CASK: variants seen among roughly 807,000 people sequenced by gnomAD.
The protein encoded by CASK is peripheral plasma membrane protein CASK.
A neutral mutation model predicts 82.9 loss-of-function variants in CASK; 4 were observed. That is an observed-to-expected ratio of 0.05 (90% CI 0.02 to 0.11). CASK has a LOEUF of 0.11. CASK is among the 10% of genes least tolerant of loss of function. The pLI is 1.00. For synonymous variants in CASK, 259 were observed against 253.5 expected, an observed-to-expected ratio of 1.02 and a Z score of -0.20; for missense variants, 358 against 720.9, an observed-to-expected ratio of 0.50 and a Z score of 5.76.
intron 8 of CASK, among the ~76,000 whole-genome samples, chrX:41,644,131 A>C (rs1156726556): frequency 9.0e-6 from 1 of 111,452 alleles, no homozygotes; most frequent in African/African-American, 3.3e-5. Context: ...AGCTGACTTG[A>C]TCGTGGTGGA....
At chrX:41,584,054 A>G (rs1346519975) in intron 14 of CASK, 2 of 112,325 alleles carry the variant, frequency 1.8e-5, no homozygotes, top group Non-Finnish European at 3.8e-5. Flanking sequence ...TTTATTATAT[A>G]TCTGTTTCTA....
chrX:41,619,084 C>G (rs929162623), intron 11 of CASK, among the ~76,000 whole-genome samples: 2 of 110,345 alleles, frequency 1.8e-5, no homozygotes, highest in Admixed American at 1.9e-4. Context: ...CCCGCCTTGG[C>G]CTCCCAAAGT....
intron 20 of CASK, among the ~76,000 whole-genome samples, chrX:41,554,634 A>T (rs912277049): frequency 8.9e-6 from 1 of 111,868 alleles, no homozygotes; most frequent in Admixed American, 9.5e-5. Flanking sequence ...GAGTTTTATG[A>T]TATGTGAGTT....
At chrX:41,651,943 A>G (rs2066871303) in intron 8 of CASK, among the ~76,000 whole-genome samples, 1 of 111,244 alleles carries the variant, frequency 9.0e-6, no homozygotes, top group African/African-American at 3.3e-5. Flanking sequence ...GGTATGTCTT[A>G]GGGTGACAGA....
At chrX:41,867,572 A>G (rs903012857) in intron 1 of CASK, among the ~76,000 whole-genome samples, 2 of 112,593 alleles carry the variant, frequency 1.8e-5, no homozygotes, top group Non-Finnish European at 3.8e-5. Flanking sequence ...TACTAGAGAC[A>G]TTGATTGCTA....
At chrX:41,810,493 A>C (rs1303609231) in intron 2 of CASK, among the ~76,000 whole-genome samples, 2 of 111,452 alleles carry the variant, frequency 1.8e-5, no homozygotes, top group Non-Finnish European at 3.8e-5. Context: ...TAAGCTTCAT[A>C]AGTGAAAGAG....
chrX:41,726,923 T>A (rs1455211612), intron 5 of CASK: 3 of 411,040 alleles, frequency 7.3e-6, no homozygotes, highest in East Asian at 4.1e-5. Flanking sequence ...TTTTCTTTTT[T>A]AAAAACTATT....
intron 1 of CASK, among the ~76,000 whole-genome samples, chrX:41,883,556 C>A (rs761086024): frequency 1.8e-5 from 2 of 111,607 alleles, no homozygotes; most frequent in African/African-American, 6.5e-5. Flanking sequence ...AATTTTCAGG[C>A]TAAGAAACTA....
At chrX:41,758,302 G>A (rs1013980954) in intron 3 of CASK, among the ~76,000 whole-genome samples, 5 of 109,961 alleles carry the variant, frequency 4.5e-5, no homozygotes, top group Non-Finnish European at 9.5e-5. Flanking sequence ...AGGTGTGGTG[G>A]CAGGCATCTG....
At chrX:41,791,702 A>G (rs1375784944) in intron 2 of CASK, among the ~76,000 whole-genome samples, 1 of 107,715 alleles carries the variant, frequency 9.3e-6, no homozygotes, top group Non-Finnish European at 1.9e-5. Flanking sequence ...CAGCCAGGGC[A>G]ACAAAGGGAG....
intron 12 of CASK, among the ~76,000 whole-genome samples, chrX:41,607,363 A>G (rs190250841): frequency 1.8e-5 from 2 of 112,423 alleles, no homozygotes; most frequent in African/African-American, 6.5e-5. Context: ...TTAAATTACA[A>G]AAAGTCTTTG....
At chrX:41,750,855 C>T (rs974890815) in intron 3 of CASK, among the ~76,000 whole-genome samples, 76 of 111,606 alleles carry the variant, frequency 6.8e-4, no homozygotes, top group African/African-American at 2.1e-3. Context: ...CACAAAATCA[C>T]GTGCTATGAT....
At chrX:41,687,268 C>T (rs2067458641) in intron 5 of CASK, among the ~76,000 whole-genome samples, 2 of 112,407 alleles carry the variant, frequency 1.8e-5, no homozygotes, top group Non-Finnish European at 3.8e-5. Flanking sequence ...TTCACTGCAG[C>T]ATTATTCACA....
At chrX:41,915,990 AACACAC>A (rs200862362) in intron 1 of CASK, among the ~76,000 whole-genome samples, 13 of 105,269 alleles carry the variant, frequency 1.2e-4, no homozygotes, top group East Asian at 3.0e-4. Context: ...TCCGTCTCAA[AACACAC>A]ACACACACAC....
intron 2 of CASK, among the ~76,000 whole-genome samples, chrX:41,808,210 A>C (rs762887616): frequency 1.8e-5 from 2 of 112,013 alleles, no homozygotes; most frequent in African/African-American, 3.2e-5. Context: ...ATTAAATTTC[A>C]ACATGAGTTT....
chrX:41,765,774 T>TG (rs2069101292), intron 3 of CASK, among the ~76,000 whole-genome samples: 2 of 111,926 alleles, frequency 1.8e-5, no homozygotes, highest in African/African-American at 6.5e-5. Context: ...AGAAAGTGAA[T>TG]GGGGACAGGG....
At chrX:41,587,164 A>G in intron 13 of CASK, 177 bp from the exon 14 acceptor site, 1 of 387,857 alleles carries the variant, frequency 2.6e-6, no homozygotes, top group South Asian at 4.6e-5. Flanking sequence ...ATTGATGGTA[A>G]TAAAAATGAA....
At chrX:41,828,447 G>C (rs1432565849) in intron 2 of CASK, among the ~76,000 whole-genome samples, 2 of 111,389 alleles carry the variant, frequency 1.8e-5, no homozygotes, top group Non-Finnish European at 3.8e-5. Flanking sequence ...AAACTTGGTA[G>C]TATTTTCATT....
chrX:41,880,429 C>T (rs1282861675), intron 1 of CASK, among the ~76,000 whole-genome samples: 1 of 111,719 alleles, frequency 9.0e-6, no homozygotes, highest in Non-Finnish European at 1.9e-5. Flanking sequence ...TGGTAGAGGC[C>T]AGCTCAGATG....
Sources: gnomAD v4.1 joint callset for allele counts (sites outside exome capture counted in the v4.1 genomes callset) on GRCh38, gnomAD v4.1.1 for gene constraint, MANE v1.5 for transcripts, NCBI Gene and HGNC (gene_info 2026-07-23, HGNC 2026-07-21) for gene names.